TDRD3: variants seen among roughly 807,000 people sequenced by gnomAD.
TDRD3 encodes the protein tudor domain-containing protein 3.
TDRD3 carries 45 observed loss-of-function variants against 86.7 expected under a neutral mutation model. The ratio of observed to expected loss-of-function variants is 0.52; its 90% CI spans 0.41 to 0.67. The LOEUF (loss-of-function observed/expected upper bound fraction) is 0.67. Ranked by LOEUF, TDRD3 falls within the 30% of genes least tolerant of loss-of-function variation. The pLI, the probability that TDRD3 is intolerant of heterozygous loss-of-function variation, is 0.00. For synonymous variants in TDRD3, 298 were observed against 301.7 expected (o/e 0.99, Z 0.13); for missense variants, 814 against 889.0 (o/e 0.92, Z 1.07).
At chr13:60,560,130 C>T (rs577868574) in intron 12 of TDRD3, among the ~76,000 whole-genome samples, 2 of 152,004 alleles carry the variant, frequency 1.3e-5, no homozygotes, top group East Asian at 1.9e-4. Context: ...AAATATATAC[C>T]GTATGATGCA....
intron 1 of TDRD3, among the ~76,000 whole-genome samples, chr13:60,434,489 C>T (rs1010984257): frequency 6.6e-6 from 1 of 150,566 alleles, no homozygotes; most frequent in Admixed American, 6.6e-5. Flanking sequence ...AAAAATTGAG[C>T]ACTTACTAAA....
At chr13:60,469,761 T>A (rs1051310415) in intron 5 of TDRD3, among the ~76,000 whole-genome samples, 2 of 152,170 alleles carry the variant, frequency 1.3e-5, no homozygotes, top group African/African-American at 4.8e-5. Flanking sequence ...TTCAGTAAAC[T>A]ATATGCAGGC....
intron 5 of TDRD3, among the ~76,000 whole-genome samples, chr13:60,472,937 T>C (rs766449352): frequency 7.2e-5 from 11 of 152,208 alleles, no homozygotes; most frequent in Non-Finnish European, 1.6e-4. Flanking sequence ...TTTAATGGAA[T>C]TCAGTATGGA....
At chr13:60,555,852 CT>C (rs35001150) in intron 12 of TDRD3, among the ~76,000 whole-genome samples, 88 of 140,468 alleles carry the variant, frequency 6.3e-4, no homozygotes, top group Middle Eastern at 3.7e-3. Flanking sequence ...CTATTTCTTT[CT>C]TTTTTTTTTT....
rs191665777 is a variant in TDRD3, at chr13:60,520,723, C to T, written c.1142-7644C>T. On this transcript the variant is annotated intron_variant, in intron 10 of 13. Transcript: ENST00000377881. ...CTTTCATATAGAGTGACTAGGAGAG[C>T]GTTGACGACACCACCAGCAGTTGAT... is the stretch of plus-strand genomic sequence containing the variant. 1.1e-3 allele frequency among the ~76,000 whole-genome samples: 167 copies of T among 152,280 alleles called. 1 individual carries two copies. The highest frequency in any genetic ancestry group is 3.8e-3 in the African/African-American group (158 of 41,550).
At chr13:60,498,171 C>G (rs1462405373) in intron 8 of TDRD3, among the ~76,000 whole-genome samples, 8 of 152,072 alleles carry the variant, frequency 5.3e-5, no homozygotes, top group Non-Finnish European at 1.5e-5. Context: ...CTCATTCCAG[C>G]TGGGAGGGTC....
chr13:60,485,566 G>C (rs1365548735), intron 6 of TDRD3, among the ~76,000 whole-genome samples: 1 of 152,008 alleles, frequency 6.6e-6, no homozygotes, highest in Non-Finnish European at 1.5e-5. Context: ...GCCCTGTTTA[G>C]ATAGCCACAT....
At chr13:60,467,590 T>C (rs1023940317) in intron 5 of TDRD3, among the ~76,000 whole-genome samples, 1 of 152,242 alleles carries the variant, frequency 6.6e-6, no homozygotes, top group African/African-American at 2.4e-5. Context: ...TTATTACTTA[T>C]GTTTAAACAT....
At chr13:60,425,134 A>T (rs550783436) in intron 1 of TDRD3, among the ~76,000 whole-genome samples, 3 of 152,246 alleles carry the variant, frequency 2.0e-5, no homozygotes, top group Non-Finnish European at 2.9e-5. Context: ...AAAATAAGAA[A>T]TAACAAAGAG....
intron 4 of TDRD3, among the ~76,000 whole-genome samples, chr13:60,463,020 G>A (rs1166842106): frequency 2.0e-5 from 3 of 152,128 alleles, no homozygotes; most frequent in African/African-American, 7.2e-5. Context: ...ATTGGCAAAA[G>A]GATAGTCTCT....
At chr13:60,572,987 AGCTGTTTGTAT>A (rs1958621491) in intron 13 of TDRD3, among the ~76,000 whole-genome samples, 1 of 152,122 alleles carries the variant, frequency 6.6e-6, no homozygotes, top group Admixed American at 6.5e-5. Flanking sequence ...AAGACTTACG[AGCTGTTTGTAT>A]GCAGCCGCAG....
Position 60,494,523 on chromosome 13 carries a change from A to T in TDRD3, c.806A>T (p.Lys269Ile). The T allele has an allele frequency of 6.2e-7, 1 of 1,613,850 alleles. No individual in the cohort carries two copies. Among genetic ancestry groups the T allele is most frequent in the East Asian group, 2.2e-5 (1 of 44,788 alleles). Residue 269 changes from lysine to isoleucine, a missense_variant, in exon 8 of 14, where the codon AAA becomes ATA. Physicochemically the swap from Lys to Ile is moderately radical, Grantham distance 102. Coordinates refer to ENST00000377881, the MANE Select transcript of TDRD3 (RefSeq NM_001146070.2). ...AACCGAAATAGGGAAGTTTTACAGA[A>T]AGAAAAGTCAACCAAATCAGAGGGA... ...AGNRNREVLQKEKSTKSEGKH... is the reference protein window; with the variant it reads ...AGNRNREVLQIEKSTKSEGKH...
At chr13:60,453,647 A>G (rs1955598650) in intron 3 of TDRD3, among the ~76,000 whole-genome samples, 1 of 152,154 alleles carries the variant, frequency 6.6e-6, no homozygotes, top group Admixed American at 6.5e-5. Flanking sequence ...CTCCCATGTT[A>G]ATCACTAGGT....
chr13:60,569,926 A>G lies in TDRD3; in HGVS notation c.*9+2276A>G, dbSNP rs145218366. Among the ~76,000 whole-genome samples the G allele has an allele frequency of 4.9e-3, 752 of 152,352 alleles. 3 individuals carry two copies. The highest frequency in any genetic ancestry group is 0.024 in the Middle Eastern group (7 of 294). On this transcript the variant is annotated intron_variant, in intron 13 of 13. Coordinates refer to ENST00000377881, the MANE Select transcript of TDRD3 (RefSeq NM_001146070.2). ...TCATAAGCAAAAATCAAAATGGATT[A>G]AATACTTAAGTCTAAGACTTGAAAC...
chr13:60,478,800 AC>A (rs1956250896), intron 5 of TDRD3, among the ~76,000 whole-genome samples: 2 of 120,450 alleles, frequency 1.7e-5, no homozygotes, highest in African/African-American at 3.1e-5. Context: ...TAATTTGAGG[AC>A]TTTTTTTTTT....
chr13:60,420,985 ATTG>A (rs1954640019), intron 1 of TDRD3, among the ~76,000 whole-genome samples: 1 of 152,058 alleles, frequency 6.6e-6, no homozygotes. Context: ...GTGGGTCTAT[ATTG>A]TTTTATTATT....
chr13:60,477,677 T>C (rs1278387208), intron 5 of TDRD3, among the ~76,000 whole-genome samples: 1 of 152,252 alleles, frequency 6.6e-6, no homozygotes, highest in Non-Finnish European at 1.5e-5. Context: ...ATCACATGTA[T>C]TGATTTGCAT....
chr13:60,519,757 T>A (rs1352364603), intron 10 of TDRD3, among the ~76,000 whole-genome samples: 2 of 152,226 alleles, frequency 1.3e-5, no homozygotes, highest in African/African-American at 4.8e-5. Flanking sequence ...TTGTCAAGCC[T>A]CTTTAGCTTC....
In TDRD3 at chr13:60,444,725, A is replaced by T; in HGVS notation, c.169A>T (p.Ile57Phe). ...TIGKKFLPSDINSGKVEKLEG... is the reference protein window; with the variant it reads ...TIGKKFLPSDFNSGKVEKLEG... ...TGGCAAGAAATTCCTCCCCAGTGAC[A>T]TCAATAGTGGAAAGGTAGAAAAGGT... Residue 57 changes from isoleucine to phenylalanine, a missense_variant, in exon 3 of 14, where the codon ATC (isoleucine) becomes TTC (phenylalanine). Ile to Phe is a conservative substitution (Grantham distance 21). Coordinates refer to ENST00000377881, the MANE Select transcript of TDRD3 (RefSeq NM_001146070.2). 6.7e-7 allele frequency: 1 copy of T among 1,490,124 alleles called. No individual in the cohort carries two copies. The highest frequency in any genetic ancestry group is 9.0e-7 in the Non-Finnish European group (1 of 1,110,096). The allele number at this position is 1,490,124 out of a possible 1,614,324, so 92.3% of individuals were successfully genotyped here.
Sources: gnomAD v4.1 joint callset for allele counts (sites outside exome capture counted in the v4.1 genomes callset) on GRCh38, gnomAD v4.1.1 for gene constraint, MANE v1.5 for transcripts, NCBI Gene and HGNC (gene_info 2026-07-23, HGNC 2026-07-21) for gene names.